MYO7A: variants seen among roughly 807,000 people sequenced by gnomAD.
The protein encoded by MYO7A is myosin VIIA.
MYO7A carries 210 observed loss-of-function variants against 263.8 expected under a neutral mutation model. The observed-to-expected ratio is 0.80, with a 90% CI of 0.71 to 0.89. The LOEUF (loss-of-function observed/expected upper bound fraction) is 0.89. Among genes scored for constraint, MYO7A ranks in the 40% least tolerant of loss-of-function variants. The pLI, the probability that MYO7A is intolerant of heterozygous loss-of-function variation, is 0.00. For synonymous variants in MYO7A, 1,239 were observed against 1,197.3 expected, an observed-to-expected ratio of 1.03 and a Z score of -0.72; for missense variants, 2,820 against 2,968.3, an observed-to-expected ratio of 0.95 and a Z score of 1.16.
At position 77,214,797 on chromosome 11, in the gene MYO7A, G is replaced by A. The variant is rs886048683; in HGVS notation, c.*101G>A. Reference sequence around the variant, plus strand: ...AGCTGGGGAAGACTTATGCCATCCCGGCAGCGAGGCTGGGCTGGCCAGCCA... The same window carrying A: ...AGCTGGGGAAGACTTATGCCATCCCAGCAGCGAGGCTGGGCTGGCCAGCCA... On this transcript the variant is annotated 3_prime_UTR_variant, in exon 49 of 49. Transcript: ENST00000409709. The A allele has an allele frequency of 5.2e-5, 52 of 1,004,836 alleles. No individual in the cohort carries two copies. Among genetic ancestry groups the A allele is most frequent in the South Asian group, 3.3e-4 (21 of 63,450 alleles). 62.2% of individuals were successfully genotyped at this position (1,004,836 alleles called of 1,614,324 possible). A position where few individuals can be genotyped will look rare whatever the true frequency, so the allele number is the denominator to read the frequency against.
rs1951695004 is a variant in MYO7A, at chr11:77,147,954, A to C, written c.285+4A>C. 3 of 1,539,558 alleles carry C rather than the reference A, an allele frequency of 1.9e-6. No individual in the cohort carries two copies. In the East Asian group the frequency reaches 7.4e-5, roughly 38 times the overall value. ...CTACCGGGACCACCTCATCTACGTGAGTGCCGCCCCGCCCGGTGCCCGTCC... is the reference window on the plus strand; with the variant it reads ...CTACCGGGACCACCTCATCTACGTGCGTGCCGCCCCGCCCGGTGCCCGTCC... On this transcript the variant is annotated splice_donor_region_variant and intron_variant, in intron 4 of 48. Coordinates refer to ENST00000409709, the MANE Select transcript of MYO7A (RefSeq NM_000260.4).
intron 19 of MYO7A, 90 bp downstream of exon 19, chr11:77,177,733 A>C: frequency 9.3e-7 from 1 of 1,078,640 alleles, no homozygotes. Context: ...CCGCATGAAC[A>C]CTAGGAAAAA....
intron 2 of MYO7A, among the ~76,000 whole-genome samples, chr11:77,131,901 C>T (rs1368317523): frequency 6.6e-6 from 1 of 152,244 alleles, no homozygotes; most frequent in Non-Finnish European, 1.5e-5. Context: ...TGGGCTCCAG[C>T]CCAGGCTTTG....
intron 7 of MYO7A, 21 bp downstream of exon 7, chr11:77,157,025 T>A: frequency 6.2e-7 from 1 of 1,609,012 alleles, no homozygotes; most frequent in Non-Finnish European, 8.5e-7. Flanking sequence ...GCCCCAGGGA[T>A]GCAGGAATAG....
At chr11:77,182,980 A>C in intron 25 of MYO7A, 88 bp from the exon 26 acceptor site, 1 of 1,151,062 alleles carries the variant, frequency 8.7e-7, no homozygotes, top group South Asian at 1.3e-5. Context: ...CGTGGAAGCG[A>C]GACGGTTCCC....
At chr11:77,207,576 C>A (rs540177556) in intron 42 of MYO7A, among the ~76,000 whole-genome samples, 174 bp downstream of exon 42, 4 of 152,178 alleles carry the variant, frequency 2.6e-5, no homozygotes, top group Non-Finnish European at 5.9e-5. Flanking sequence ...GCCCCCAGCT[C>A]TCTCTCTTCT....
At position 77,147,787 on chromosome 11, in the gene MYO7A, G is replaced by GCTCCCCGCAGGAACACTGGAT. The variant is rs1555054558; in HGVS notation, c.133-7_146dup. On this transcript the variant is annotated splice_polypyrimidine_tract_variant and intron_variant, in intron 3 of 48. Transcript: ENST00000409709. Reference sequence around the variant, plus strand: ...CCCAGGAGAGCACGCTGACGTTCTGGCTCCCCGCAGGAACACTGGATCTCT... The same window carrying GCTCCCCGCAGGAACACTGGAT: ...CCCAGGAGAGCACGCTGACGTTCTGGCTCCCCGCAGGAACACTGGATCTCCCCGCAGGAACACTGGATCTCT... 6.2e-7 allele frequency: 1 copy of GCTCCCCGCAGGAACACTGGAT among 1,608,588 alleles called. No individual in the cohort carries two copies. The highest frequency in any genetic ancestry group is 8.5e-7 in the Non-Finnish European group (1 of 1,178,412).
rs397516313 is a variant in MYO7A at position 77,199,661 on chromosome 11, G to A, written c.4695G>A (p.Thr1565=). The change falls in exon 35 of 49, where the codon ACG becomes ACA. Residue 1565 remains threonine (T), a synonymous_variant. Transcript: ENST00000409709. The part of the protein sequence containing the change: ...SPCWSCRGAK[T]TAPSFTLATI... ...GTTGGTCCTGCAGGGGAGCGAAAAC[G>A]ACGGCCCCCAGCTTCACGCTGGCCA... The A allele has an allele frequency of 2.2e-5, 35 of 1,612,838 alleles. No homozygotes were observed. The highest frequency in any genetic ancestry group is 3.3e-5 in the Admixed American group (2 of 59,880).
intron 14 of MYO7A, among the ~76,000 whole-genome samples, chr11:77,163,439 C>T (rs552709556): frequency 5.3e-5 from 8 of 152,240 alleles, no homozygotes; most frequent in African/African-American, 1.7e-4. Flanking sequence ...TAGTTATACA[C>T]CTAGATGGTC....
intron 42 of MYO7A, 62 bp downstream of exon 42, chr11:77,207,464 C>G: frequency 8.3e-7 from 1 of 1,198,622 alleles, no homozygotes. Flanking sequence ...AACTTACGGA[C>G]AGCAGACGGA....
intron 2 of MYO7A, among the ~76,000 whole-genome samples, chr11:77,134,460 A>AT (rs1396241835): frequency 1.4e-3 from 202 of 148,444 alleles, no homozygotes; most frequent in African/African-American, 4.0e-3. Flanking sequence ...AAAATACAAC[A>AT]TTTTTTTTTT....
chr11:77,179,128 T>C lies in MYO7A; in HGVS notation c.2366T>C (p.Leu789Pro), dbSNP rs751034678. Residue 789 changes from leucine to proline, a missense_variant and splice_region_variant, in exon 20 of 49, where the codon CTG (leucine) becomes CCG (proline). Coordinates refer to ENST00000409709, the MANE Select transcript of MYO7A (RefSeq NM_000260.4). ...RGHNCRKNYGLMRLGFLRLQA... is the reference protein window; with the variant it reads ...RGHNCRKNYGPMRLGFLRLQA... Reference sequence around the variant, plus strand: ...CACAACTGTAGGAAGAACTACGGGCTGGTGAGCCTCCCCATGGGCTGCTCT... The same window carrying C: ...CACAACTGTAGGAAGAACTACGGGCCGGTGAGCCTCCCCATGGGCTGCTCT... 27 of 1,598,288 alleles carry C rather than the reference T, an allele frequency of 1.7e-5. 1 individual carries two copies. In the East Asian group the frequency reaches 3.6e-4, roughly 21 times the overall value.
chr11:77,181,711 G>A (rs1449405686), intron 23 of MYO7A, 122 bp downstream of exon 23: 12 of 989,896 alleles, frequency 1.2e-5, no homozygotes, highest in Non-Finnish European at 1.8e-5. Context: ...GAGCAGAGAT[G>A]AACTGGGTCC....
chr11:77,198,636 A>T lies in MYO7A; in HGVS notation c.4568+15A>T. On this transcript the variant is annotated intron_variant, in intron 34 of 48. Coordinates refer to ENST00000409709, the MANE Select transcript of MYO7A (RefSeq NM_000260.4). ...TCCAGCAGCAGGTGAGGAGGCCCGC[A>T]TGGAGATGCAGACAGACAGAGGGGA... The T allele has an allele frequency of 1.9e-6, 3 of 1,613,378 alleles. No homozygotes were observed. Among genetic ancestry groups the T allele is most frequent in the Non-Finnish European group, 2.5e-6 (3 of 1,179,730 alleles).
Position 77,156,741 on chromosome 11 carries a change from G to A in MYO7A, c.552G>A (p.Trp184Ter), listed in dbSNP as rs1390039158. The change falls in exon 6 of 49, where the codon TGG becomes TGA. Residue 184 changes from tryptophan to a stop codon, truncating the protein, a stop_gained. Transcript: ENST00000409709. LOFTEE classifies it high-confidence loss of function. ...FLAAISGQHS[W>*]IEQQVLEATP... Reference sequence around the variant, plus strand: ...CAGCCATCAGTGGGCAGCACTCGTGGATTGAGCAGCAGGTCTTGGAGGCCA... The same window carrying A: ...CAGCCATCAGTGGGCAGCACTCGTGAATTGAGCAGCAGGTCTTGGAGGCCA... 1 of 1,613,902 alleles carries A rather than the reference G, an allele frequency of 6.2e-7. No individual in the cohort carries two copies. The highest frequency in any genetic ancestry group is 8.5e-7 in the Non-Finnish European group (1 of 1,179,900).
intron 29 of MYO7A, among the ~76,000 whole-genome samples, chr11:77,190,421 G>T (rs1164812711): frequency 2.6e-5 from 4 of 152,182 alleles, no homozygotes; most frequent in Non-Finnish European, 5.9e-5. Context: ...CATGGTGAAG[G>T]TTATATGAAG....
At position 77,157,322 on chromosome 11, in the gene MYO7A, A is replaced by C. The variant is rs782636303; in HGVS notation, c.779A>C (p.Glu260Ala). 1.9e-5 allele frequency: 31 copies of C among 1,612,590 alleles called. No individual in the cohort carries two copies. Among genetic ancestry groups the C allele is most frequent in the Non-Finnish European group, 2.5e-5 (30 of 1,179,350 alleles). Residue 260 changes from glutamate to alanine, a missense_variant, in exon 8 of 49, where the codon GAG (glutamate) becomes GCG (alanine). By Grantham distance (107) the Glu-to-Ala change is moderately radical. Transcript: ENST00000409709. ...TACCACGTGTTCTACTGCATGCTGGAGGGTATGAGTGAGGATCAGAAGAAG... is the reference window on the plus strand; with the variant it reads ...TACCACGTGTTCTACTGCATGCTGGCGGGTATGAGTGAGGATCAGAAGAAG... ...RNYHVFYCML[E>A]GMSEDQKKKL...
rs1174297656 is a variant in MYO7A at position 77,179,124 on chromosome 11, G to A, written c.2362G>A (p.Gly788Arg). The stretch of plus-strand genomic sequence containing the variant: ...GGGTCACAACTGTAGGAAGAACTAC[G>A]GGCTGGTGAGCCTCCCCATGGGCTG... ...WRGHNCRKNY[G>R]LMRLGFLRLQ... is the part of the protein sequence containing the mutation. Residue 788 changes from glycine to arginine, a missense_variant, in exon 20 of 49, where the codon GGG (glycine) becomes AGG (arginine). Physicochemically the swap from Gly to Arg is moderately radical, Grantham distance 125. Transcript: ENST00000409709. The A allele has an allele frequency of 3.1e-6, 5 of 1,599,180 alleles. No individual in the cohort carries two copies. The highest frequency in any genetic ancestry group is 3.4e-5 in the Admixed American group (2 of 58,402).
rs566111152 is a variant in MYO7A at position 77,166,157 on chromosome 11, G to T, written c.1792G>T (p.Ala598Ser). The T allele has an allele frequency of 6.2e-7, 1 of 1,613,618 alleles. No homozygotes were observed. The highest frequency in any genetic ancestry group is 2.2e-5 in the East Asian group (1 of 44,852). The change falls in exon 15 of 49, where the codon GCC becomes TCC. Residue 598 changes from alanine to serine, a missense_variant. Ala to Ser is a moderately conservative substitution (Grantham distance 99, BLOSUM62 1). Coordinates refer to ENST00000409709, the MANE Select transcript of MYO7A (RefSeq NM_000260.4). The part of the protein sequence containing the change: ...FIKQIFQADV[A>S]MGAETRKRSP... ...CAAGCAGATCTTCCAGGCCGATGTC[G>T]CCATGGTAAGCCGGGTGCGGTTTCT...
Sources: allele counts gnomAD v4.1 joint callset (sites outside exome capture counted in the v4.1 genomes callset), GRCh38; gene constraint gnomAD v4.1.1; transcripts MANE v1.5; gene names NCBI Gene and HGNC (gene_info 2026-07-23, HGNC 2026-07-21).